Variants in SLC44A5 observed in about 807,000 individuals in gnomAD.
SLC44A5 encodes choline transporter-like protein 5.
A neutral mutation model predicts 101.8 loss-of-function variants in SLC44A5; 57 were observed. The observed-to-expected ratio is 0.56, with a 90% CI of 0.45 to 0.70. The LOEUF is 0.70. SLC44A5 is among the 30% of genes least tolerant of loss of function. The probability of loss-of-function intolerance (pLI) is 0.00; values close to 1 mark genes in which losing one functional copy is unlikely to be tolerated. For missense variants in SLC44A5, 737 were observed against 853.1 expected (o/e 0.86, Z 1.70); for synonymous variants, 281 against 290.9 (o/e 0.97, Z 0.35).
At chr1:75,712,717 G>GA in the SLC44A5 span, among the ~76,000 whole-genome samples, 3 of 76,826 alleles carry the variant, frequency 3.9e-5, no homozygotes, top group East Asian at 3.5e-4. Context: ...AAAAAAAATG[G>GA]AAAAGAAAAA....
chr1:75,329,797 C>G (rs1656883453), intron 4 of SLC44A5, among the ~76,000 whole-genome samples: 1 of 152,080 alleles, frequency 6.6e-6, no homozygotes, highest in Non-Finnish European at 1.5e-5. Flanking sequence ...TCTAGCCAAG[C>G]AAATCTACTT....
intron 6 of SLC44A5, among the ~76,000 whole-genome samples, chr1:75,251,676 A>G (rs1649590614): frequency 6.6e-6 from 1 of 152,352 alleles, no homozygotes; most frequent in South Asian, 2.1e-4. Flanking sequence ...TTTATTAAAA[A>G]CAAATATAAC....
chr1:75,579,778 T>C (rs1673577025), intron 1 of SLC44A5, among the ~76,000 whole-genome samples: 1 of 151,164 alleles, frequency 6.6e-6, no homozygotes, highest in African/African-American at 2.4e-5. Context: ...TCTATAGATT[T>C]TCCTTTAACA....
intron 5 of SLC44A5, among the ~76,000 whole-genome samples, chr1:75,298,198 T>A (rs2100851793): frequency 6.6e-6 from 1 of 152,276 alleles, no homozygotes; most frequent in Admixed American, 6.5e-5. Flanking sequence ...TAGTTTCCCC[T>A]CATGCTTCTT....
At chr1:75,273,515 G>C (rs1217182935) in intron 6 of SLC44A5, among the ~76,000 whole-genome samples, 1 of 152,004 alleles carries the variant, frequency 6.6e-6, no homozygotes, top group African/African-American at 2.4e-5. Flanking sequence ...CTGTGGGTTT[G>C]TTACAGATGC....
chr1:75,236,745 A>G (rs1054528274), intron 11 of SLC44A5, among the ~76,000 whole-genome samples: 29 of 152,058 alleles, frequency 1.9e-4, no homozygotes, highest in Middle Eastern at 3.2e-3. Context: ...TTTTATTAGT[A>G]CTTTAGTGAA....
chr1:75,233,344 C>A (rs1196949094), intron 12 of SLC44A5, among the ~76,000 whole-genome samples: 6 of 152,114 alleles, frequency 3.9e-5, no homozygotes, highest in African/African-American at 1.4e-4. Context: ...TATCCACCCC[C>A]TTCCAGTCGT....
chr1:75,594,727 G>C (rs1240804892), intron 1 of SLC44A5, among the ~76,000 whole-genome samples: 4 of 150,932 alleles, frequency 2.7e-5, no homozygotes, highest in African/African-American at 9.7e-5. Flanking sequence ...TTTATACCTT[G>C]GAAGAAAACT....
At chr1:75,365,186 G>C (rs1659770005) in intron 3 of SLC44A5, among the ~76,000 whole-genome samples, 1 of 151,936 alleles carries the variant, frequency 6.6e-6, no homozygotes, top group Non-Finnish European at 1.5e-5. Context: ...TAAGTTCAGG[G>C]GTACATGTGC....
At chr1:75,551,548 T>A (rs1671938810) in intron 1 of SLC44A5, among the ~76,000 whole-genome samples, 1 of 152,120 alleles carries the variant, frequency 6.6e-6, no homozygotes, top group South Asian at 2.1e-4. Flanking sequence ...CATAGAGACG[T>A]CTAAATTGAT....
chr1:75,611,493 G>T (rs1444442571), upstream of SLC44A5, among the ~76,000 whole-genome samples: 2 of 152,078 alleles, frequency 1.3e-5, no homozygotes, highest in Non-Finnish European at 2.9e-5. Context: ...CCAAGAGCAT[G>T]ATTTCCTTAA....
intron 1 of SLC44A5, among the ~76,000 whole-genome samples, chr1:75,604,975 C>A (rs1449867557): frequency 1.3e-5 from 2 of 151,884 alleles, no homozygotes. Context: ...ATTTGGATGC[C>A]TTTTCTTTCT....
In SLC44A5 at chr1:75,338,363, C is replaced by T. The variant is rs564778120; in HGVS notation, c.101+1219G>A. ...AAAACCAGCCAGGCATAATTCTGCT[C>T]TCTTATCTATGGCCTAGAAAGACAC... On this transcript the variant is annotated intron_variant, in intron 4 of 23. Transcript: ENST00000370859. 6.6e-5 allele frequency among the ~76,000 whole-genome samples: 10 copies of T among 152,290 alleles called. No individual in the cohort carries two copies. In the South Asian group the frequency reaches 1.7e-3, roughly 25 times the overall value.
chr1:75,583,364 T>C (rs1673810028), intron 1 of SLC44A5, among the ~76,000 whole-genome samples: 1 of 152,186 alleles, frequency 6.6e-6, no homozygotes, highest in South Asian at 2.1e-4. Flanking sequence ...TGGGAGACTC[T>C]CAACAAGTTC....
chr1:75,580,490 A>G (rs1451327941), intron 1 of SLC44A5, among the ~76,000 whole-genome samples: 1 of 152,214 alleles, frequency 6.6e-6, no homozygotes, highest in Non-Finnish European at 1.5e-5. Context: ...GTTAGCAGAA[A>G]GGGCCATAAC....
chr1:75,211,863 T>C (rs1646863601), intron 22 of SLC44A5, among the ~76,000 whole-genome samples: 1 of 148,626 alleles, frequency 6.7e-6, no homozygotes, highest in African/African-American at 2.5e-5. Context: ...CCTCCCTCCC[T>C]CCTTCCCTTC....
intron 4 of SLC44A5, among the ~76,000 whole-genome samples, chr1:75,334,764 T>C (rs1214262251): frequency 6.6e-6 from 1 of 152,150 alleles, no homozygotes; most frequent in Non-Finnish European, 1.5e-5. Context: ...AATACTGATA[T>C]ATTTCTTTTA....
intron 3 of SLC44A5, among the ~76,000 whole-genome samples, chr1:75,368,842 G>A (rs1660037081): frequency 1.3e-5 from 2 of 152,146 alleles, no homozygotes; most frequent in South Asian, 2.1e-4. Context: ...ATTCAAGAAG[G>A]AAGTTTATGT....
intron 12 of SLC44A5, among the ~76,000 whole-genome samples, chr1:75,231,824 T>G (rs945041199): frequency 6.6e-6 from 1 of 152,152 alleles, no homozygotes; most frequent in African/African-American, 2.4e-5. Flanking sequence ...AAGTGTTATA[T>G]GTCTTCTCCT....
Sources: allele counts gnomAD v4.1 joint callset (sites outside exome capture counted in the v4.1 genomes callset), GRCh38; gene constraint gnomAD v4.1.1; transcripts MANE v1.5; gene names NCBI Gene and HGNC (gene_info 2026-07-23, HGNC 2026-07-21).